Variants in GRIK4 observed in about 807,000 individuals in gnomAD.
The protein encoded by GRIK4 is glutamate ionotropic receptor kainate type subunit 4.
Under a neutral mutation model 104.9 loss-of-function variants are expected in GRIK4, and 40 were observed. The observed-to-expected ratio is 0.38, with a 90% CI of 0.30 to 0.50. The LOEUF is 0.50. Ranked by LOEUF, GRIK4 falls within the 20% of genes least tolerant of loss-of-function variation. The pLI is 0.93. For missense variants in GRIK4, 1,047 were observed against 1,308.1 expected (o/e 0.80, Z 3.08); for synonymous variants, 485 against 524.9 (o/e 0.92, Z 1.04).
At chr11:120,827,775 G>A (rs952184727) in intron 6 of GRIK4, among the ~76,000 whole-genome samples, 3 of 152,142 alleles carry the variant, frequency 2.0e-5, no homozygotes, top group Non-Finnish European at 2.9e-5. Context: ...TTACTAGTTC[G>A]ACTTTCCATC....
rs1369482971 is a variant in GRIK4, at chr11:120,834,478, A to G, written c.691-2313A>G. 2.0e-5 allele frequency among the ~76,000 whole-genome samples: 3 copies of G among 152,156 alleles called. No individual in the cohort carries two copies. The East Asian group carries it at 5.8e-4, about 29-fold the overall frequency. On this transcript the variant is annotated intron_variant, in intron 7 of 20. Transcript: ENST00000527524. ...TCAGGAAAGCCTGTTCCCTTTGCCC[A>G]TTTGCCTTCCCAATGGCCCAGGCAG...
intron 3 of GRIK4, among the ~76,000 whole-genome samples, chr11:120,679,370 C>T (rs929919057): frequency 2.0e-5 from 3 of 152,168 alleles, no homozygotes; most frequent in African/African-American, 7.2e-5. Context: ...GAATGGAAAA[C>T]CTAGTGCCCC....
At chr11:120,904,581 C>T (rs142078924) in intron 12 of GRIK4, among the ~76,000 whole-genome samples, 3 of 152,324 alleles carry the variant, frequency 2.0e-5, no homozygotes, top group Non-Finnish European at 4.4e-5. Flanking sequence ...GTGTAATGTG[C>T]AGCCACCACT....
intron 13 of GRIK4, among the ~76,000 whole-genome samples, chr11:120,908,067 A>T (rs1394439572): frequency 1.3e-5 from 2 of 152,176 alleles, no homozygotes; most frequent in African/African-American, 4.8e-5. Context: ...GCAGAGGCCC[A>T]TGTGAGGCCC....
At chr11:120,781,346 A>C (rs1952152738) in intron 3 of GRIK4, among the ~76,000 whole-genome samples, 1 of 152,062 alleles carries the variant, frequency 6.6e-6, no homozygotes, top group Admixed American at 6.6e-5. Flanking sequence ...GGTTTTAAAA[A>C]AATTATTATT....
At chr11:120,944,426 T>G (rs1943807557) in intron 14 of GRIK4, among the ~76,000 whole-genome samples, 1 of 152,150 alleles carries the variant, frequency 6.6e-6, no homozygotes, top group Non-Finnish European at 1.5e-5. Flanking sequence ...AAAAACTGTG[T>G]CACAAGCTGA....
chr11:120,590,443 C>G (rs1361622002), intron 1 of GRIK4, among the ~76,000 whole-genome samples: 1 of 152,242 alleles, frequency 6.6e-6, no homozygotes, highest in African/African-American at 2.4e-5. Context: ...TGGCCTGGGT[C>G]TGCAGCCCTA....
intron 1 of GRIK4, among the ~76,000 whole-genome samples, chr11:120,594,909 G>A (rs770737687): frequency 5.9e-5 from 9 of 152,152 alleles, no homozygotes; most frequent in East Asian, 3.9e-4. Flanking sequence ...GCCTGCATGC[G>A]TCCTTCCTGC....
At chr11:120,702,579 G>A (rs1479404530) in intron 3 of GRIK4, among the ~76,000 whole-genome samples, 1 of 152,182 alleles carries the variant, frequency 6.6e-6, no homozygotes, top group Non-Finnish European at 1.5e-5. Flanking sequence ...AGAGGTCAGA[G>A]GGATGCAGAG....
intron 1 of GRIK4, among the ~76,000 whole-genome samples, chr11:120,571,813 C>T (rs1472767979): frequency 6.6e-6 from 1 of 152,172 alleles, no homozygotes; most frequent in African/African-American, 2.4e-5. Context: ...GTGAGGTGAC[C>T]TGGGTTCTTT....
At chr11:120,901,128 C>T (rs1177822135) in intron 12 of GRIK4, among the ~76,000 whole-genome samples, 1 of 152,200 alleles carries the variant, frequency 6.6e-6, no homozygotes, top group East Asian at 1.9e-4. Context: ...CCCCGACCCT[C>T]CTGTCAGCGT....
Position 120,553,609 on chromosome 11 carries a change from A to G in GRIK4, c.-159+41722A>G, listed in dbSNP as rs1948159924. On this transcript the variant is annotated intron_variant, in intron 1 of 20. Coordinates refer to ENST00000527524, the MANE Select transcript of GRIK4 (RefSeq NM_014619.5). The stretch of plus-strand genomic sequence containing the variant: ...GAGGCTGTAGGGAAAAGAAGGTTTG[A>G]CCTGAACTCAGGGGTTATATTTGGA... Among the ~76,000 whole-genome samples, 2 of 152,152 alleles carry G rather than the reference A, an allele frequency of 1.3e-5. 1 individual carries two copies. The highest frequency in any genetic ancestry group is 4.1e-4 in the South Asian group (2 of 4,824).
chr11:120,610,414 A>G (rs977940923), intron 1 of GRIK4, among the ~76,000 whole-genome samples: 1 of 152,224 alleles, frequency 6.6e-6, no homozygotes, highest in African/African-American at 2.4e-5. Context: ...GCACTCCTGG[A>G]TGCCAACCCC....
Position 120,953,770 on chromosome 11 carries a change from C to T in GRIK4, c.1700+806C>T, listed in dbSNP as rs1484993093. Among the ~76,000 whole-genome samples, 2 of 152,206 alleles carry T rather than the reference C, an allele frequency of 1.3e-5. No homozygotes were observed. The highest frequency in any genetic ancestry group is 2.9e-5 in the Non-Finnish European group (2 of 68,026). ...AAGGCTGTTGGGCCAGCCTGAGCTG[C>T]AGGAGAGCCAGCTTAACCCTCCAGA... On this transcript the variant is annotated intron_variant, in intron 15 of 20. Coordinates refer to ENST00000527524, the MANE Select transcript of GRIK4 (RefSeq NM_014619.5). This position sits in a 1 kb window ranked among gnomAD's most constrained non-coding sequence, Gnocchi z 4.9.
chr11:120,787,915 T>C (rs978793756), intron 3 of GRIK4, among the ~76,000 whole-genome samples: 8 of 127,998 alleles, frequency 6.3e-5, no homozygotes, highest in Admixed American at 1.9e-4. Flanking sequence ...CAGGCTGGAG[T>C]GCAGTGGCAT....
intron 3 of GRIK4, among the ~76,000 whole-genome samples, chr11:120,673,743 G>C (rs537848900): frequency 6.6e-6 from 1 of 152,290 alleles, no homozygotes; most frequent in South Asian, 2.1e-4. Context: ...CCTGGAGACC[G>C]GAACCTGGAC....
chr11:120,723,918 T>A (rs975439998), intron 3 of GRIK4, among the ~76,000 whole-genome samples: 6 of 152,024 alleles, frequency 3.9e-5, no homozygotes, highest in Non-Finnish European at 5.9e-5. Context: ...ATAATCAAGA[T>A]CTGGAACCAT....
intron 1 of GRIK4, among the ~76,000 whole-genome samples, chr11:120,554,644 C>T (rs1042445822): frequency 1.3e-5 from 2 of 152,118 alleles, no homozygotes; most frequent in Middle Eastern, 3.4e-3. Flanking sequence ...TTGCAACCTC[C>T]GCCTCCCGGG....
chr11:120,863,838 A>G (rs560543064), intron 9 of GRIK4, among the ~76,000 whole-genome samples: 11 of 152,342 alleles, frequency 7.2e-5, no homozygotes, highest in South Asian at 2.1e-4. Context: ...TTTTATGATC[A>G]TGCAGCCTCG....
Sources: allele counts gnomAD v4.1 joint callset (sites outside exome capture counted in the v4.1 genomes callset), GRCh38; gene constraint gnomAD v4.1.1; non-coding constraint Gnocchi (gnomAD v3.1); transcripts MANE v1.5; gene names NCBI Gene and HGNC (gene_info 2026-07-23, HGNC 2026-07-21).